The following UNC13C variants were observed in gnomAD, a reference collection of about 807,000 sequenced individuals.
UNC13C encodes the protein protein unc-13 homolog C.
A neutral mutation model predicts 245.4 loss-of-function variants in UNC13C; 174 were observed. The ratio of observed to expected loss-of-function variants is 0.71; its 90% CI spans 0.63 to 0.80. The LOEUF (loss-of-function observed/expected upper bound fraction) is 0.80. Among genes scored for constraint, UNC13C ranks in the 30% least tolerant of loss-of-function variants. The probability of loss-of-function intolerance (pLI) is 0.00; values close to 1 mark genes in which losing one functional copy is unlikely to be tolerated. For synonymous variants in UNC13C, 992 were observed against 895.1 expected (o/e 1.11, Z -1.93); for missense variants, 2,829 against 2,602.9 (o/e 1.09, Z -1.89).
At chr15:54,048,372 C>T (rs751001228) in intron 2 of UNC13C, among the ~76,000 whole-genome samples, 6 of 152,296 alleles carry the variant, frequency 3.9e-5, no homozygotes, top group Non-Finnish European at 8.8e-5. Context: ...AAGCAACAAC[C>T]GTATCAACAT....
chr15:54,178,727 G>T (rs1350906930), intron 4 of UNC13C, among the ~76,000 whole-genome samples: 1 of 152,112 alleles, frequency 6.6e-6, no homozygotes, highest in African/African-American at 2.4e-5. Flanking sequence ...CAATATTTAA[G>T]AAACTCAAGG....
At chr15:53,975,581 C>T (rs920764950), upstream of UNC13C, among the ~76,000 whole-genome samples, 21 of 152,192 alleles carry the variant, frequency 1.4e-4, no homozygotes, top group Non-Finnish European at 2.9e-4. Context: ...TCCTCTATTG[C>T]TTAAAGCCAG....
chr15:54,265,319 T>C (rs79567943), intron 9 of UNC13C, 36 bp from the exon 10 acceptor site: 31,275 of 1,378,700 alleles, frequency 0.023, 544 homozygotes, highest in Admixed American at 0.076. Flanking sequence ...TTCTGAGGAC[T>C]CTGTATGTTA....
chr15:53,883,420 G>A, the UNC13C span, among the ~76,000 whole-genome samples: 14 of 152,154 alleles, frequency 9.2e-5, no homozygotes, highest in Admixed American at 3.3e-4. Flanking sequence ...GTTTTGGGGC[G>A]GAGTCACAAG....
intron 2 of UNC13C, among the ~76,000 whole-genome samples, chr15:54,096,119 T>A (rs1899848846): frequency 6.6e-6 from 1 of 152,214 alleles, no homozygotes; most frequent in Non-Finnish European, 1.5e-5. Context: ...GAGTTTGAAC[T>A]TCATTTAGAA....
At chr15:54,009,547 CTTCT>C (rs1555402393) in intron 1 of UNC13C, among the ~76,000 whole-genome samples, 8 of 143,994 alleles carry the variant, frequency 5.6e-5, no homozygotes, top group Middle Eastern at 3.6e-3. Context: ...TCTTCTTCTT[CTTCT>C]TTTTTTTTTT....
intron 19 of UNC13C, among the ~76,000 whole-genome samples, chr15:54,457,421 T>C (rs547126656): frequency 6.6e-6 from 1 of 152,270 alleles, no homozygotes; most frequent in South Asian, 2.1e-4. Context: ...TTCTTCTTTC[T>C]CTATCTTTTG....
intron 17 of UNC13C, among the ~76,000 whole-genome samples, chr15:54,391,470 A>G (rs1451344628): frequency 1.3e-5 from 2 of 152,122 alleles, no homozygotes; most frequent in Non-Finnish European, 2.9e-5. Context: ...AAAGCTTGAC[A>G]TTTGTAAGCC....
the UNC13C span, among the ~76,000 whole-genome samples, chr15:53,964,909 C>A: frequency 6.6e-6 from 1 of 152,106 alleles, no homozygotes; most frequent in Non-Finnish European, 1.5e-5. Flanking sequence ...CATACATGTA[C>A]ATTACATGTA....
Position 54,013,045 on chromosome 15 carries a change from G to A in UNC13C, c.142G>A (p.Gly48Ser), listed in dbSNP as rs2140990564. Residue 48 changes from glycine (G) to serine (S), a missense_variant, in exon 2 of 33, where the codon GGC becomes AGC. By Grantham distance (56) the Gly-to-Ser change is moderately conservative. Transcript: ENST00000260323. ...QKKDQDFPTA[G>S]QTKSPKFSYT... ...AAAGGATCAAGACTTCCCCACTGCTGGCCAGACCAAATCCCCCAAATTTTC... is the reference window on the plus strand; with the variant it reads ...AAAGGATCAAGACTTCCCCACTGCTAGCCAGACCAAATCCCCCAAATTTTC... 6.2e-7 allele frequency: 1 copy of A among 1,613,816 alleles called. No individual in the cohort carries two copies. Among genetic ancestry groups the A allele is most frequent in the African/African-American group, 1.3e-5 (1 of 75,002 alleles).
At chr15:54,279,382 G>C (rs1227068012) in intron 10 of UNC13C, among the ~76,000 whole-genome samples, 1 of 152,180 alleles carries the variant, frequency 6.6e-6, no homozygotes, top group African/African-American at 2.4e-5. Flanking sequence ...TTGGTGATTA[G>C]TACAATCTTC....
chr15:54,322,851 G>T (rs1382273697), intron 14 of UNC13C, among the ~76,000 whole-genome samples: 1 of 151,974 alleles, frequency 6.6e-6, no homozygotes, highest in East Asian at 1.9e-4. Flanking sequence ...GGTTTTCAGG[G>T]CATAAAATCA....
the UNC13C span, among the ~76,000 whole-genome samples, chr15:53,900,851 C>T: frequency 7.2e-5 from 11 of 152,280 alleles, no homozygotes; most frequent in South Asian, 2.3e-3. Flanking sequence ...AATTGAGCTA[C>T]AGGAATAGGC....
At chr15:54,107,047 T>A (rs772413901) in intron 2 of UNC13C, among the ~76,000 whole-genome samples, 6 of 152,238 alleles carry the variant, frequency 3.9e-5, no homozygotes, top group Non-Finnish European at 7.3e-5. Flanking sequence ...ACAGTAGGTA[T>A]CATGTGACCA....
At chr15:54,377,313 T>G (rs940359103) in intron 17 of UNC13C, among the ~76,000 whole-genome samples, 1 of 152,190 alleles carries the variant, frequency 6.6e-6, no homozygotes, top group East Asian at 1.9e-4. Context: ...AAGTCACCCA[T>G]GTTCAAGGGG....
Position 54,600,959 on chromosome 15 carries a change from A to G in UNC13C, c.6107-21368A>G, listed in dbSNP as rs540692145. 5.9e-5 allele frequency among the ~76,000 whole-genome samples: 9 copies of G among 151,664 alleles called. No homozygotes were observed. In the East Asian group the frequency reaches 1.7e-3, roughly 29 times the overall value. On this transcript the variant is annotated intron_variant, in intron 30 of 32. Transcript: ENST00000260323. The stretch of plus-strand genomic sequence containing the variant: ...AGAATTGTCTTAGGTCACACATGAA[A>G]TACACTAACACTAATGATAGCTGAT...
chr15:54,091,562 C>G (rs56094848), intron 2 of UNC13C, among the ~76,000 whole-genome samples: 2 of 151,948 alleles, frequency 1.3e-5, no homozygotes, highest in African/African-American at 2.4e-5. Flanking sequence ...TTTTTATATG[C>G]TTTAAATTTA....
chr15:54,176,837 G>T (rs2033632143), intron 4 of UNC13C, among the ~76,000 whole-genome samples: 1 of 152,076 alleles, frequency 6.6e-6, no homozygotes, highest in South Asian at 2.1e-4. Context: ...GGAACAAAAA[G>T]ATGAATTGTT....
chr15:54,583,833 A>C lies in UNC13C; in HGVS notation c.6106+15886A>C, dbSNP rs796470532. Among the ~76,000 whole-genome samples the C allele has an allele frequency of 7.9e-5, 12 of 152,308 alleles. 1 individual carries two copies. Among genetic ancestry groups the C allele is most frequent in the African/African-American group, 2.9e-4 (12 of 41,580 alleles). On this transcript the variant is annotated intron_variant, in intron 30 of 32. Transcript: ENST00000260323. ...GAACCCACACATCACACAGCTGCTG[A>C]CCATGATCAAACCTAACGGCCAACA... is the stretch of plus-strand genomic sequence containing the variant.
Sources: gnomAD v4.1 joint callset for allele counts (sites outside exome capture counted in the v4.1 genomes callset) on GRCh38, gnomAD v4.1.1 for gene constraint, MANE v1.5 for transcripts, NCBI Gene and HGNC (gene_info 2026-07-23, HGNC 2026-07-21) for gene names.